The following FBXL17 variants were observed in gnomAD, a reference collection of about 807,000 sequenced individuals.
The protein encoded by FBXL17 is F-box/LRR-repeat protein 17.
FBXL17 carries 22 observed loss-of-function variants against 66.2 expected under a neutral mutation model. That is an observed-to-expected ratio of 0.33 (90% CI 0.24 to 0.47). The LOEUF (loss-of-function observed/expected upper bound fraction) is 0.47. Ranked by LOEUF, FBXL17 falls within the 20% of genes least tolerant of loss-of-function variation. The pLI is 1.00. For synonymous variants in FBXL17, 474 were observed against 400.5 expected, an observed-to-expected ratio of 1.18 and a Z score of -2.19; for missense variants, 878 against 948.2, an observed-to-expected ratio of 0.93 and a Z score of 0.97.
chr5:108,194,091 T>C (rs1349273196), intron 5 of FBXL17, among the ~76,000 whole-genome samples: 1 of 152,096 alleles, frequency 6.6e-6, no homozygotes, highest in African/African-American at 2.4e-5. Flanking sequence ...AAAATATTTC[T>C]GCTGCAAAAA....
chr5:107,896,579 T>A (rs77733761), intron 7 of FBXL17, among the ~76,000 whole-genome samples: 2 of 152,166 alleles, frequency 1.3e-5, no homozygotes, highest in East Asian at 3.9e-4. Flanking sequence ...TCTATTTTTT[T>A]ATCATGTTTA....
chr5:108,374,894 A>C (rs1333598763), intron 1 of FBXL17, among the ~76,000 whole-genome samples: 3 of 152,160 alleles, frequency 2.0e-5, no homozygotes, highest in Non-Finnish European at 4.4e-5. Flanking sequence ...TACATTTAAA[A>C]AGAAGAAAGA....
intron 5 of FBXL17, among the ~76,000 whole-genome samples, chr5:108,191,065 C>T (rs1753451977): frequency 6.6e-6 from 1 of 152,180 alleles, no homozygotes; most frequent in Admixed American, 6.5e-5. Context: ...ACTCTTAAAC[C>T]TATAAACATT....
intron 7 of FBXL17, among the ~76,000 whole-genome samples, chr5:107,945,920 CCATTTTT>C (rs1751264282): frequency 6.6e-6 from 1 of 151,774 alleles, no homozygotes; most frequent in African/African-American, 2.4e-5. Context: ...TTTAAGACAA[CCATTTTT>C]GGAGGAAGTT....
At chr5:108,083,301 A>C (rs1561401433) in intron 6 of FBXL17, among the ~76,000 whole-genome samples, 1 of 151,992 alleles carries the variant, frequency 6.6e-6, no homozygotes, top group Non-Finnish European at 1.5e-5. Context: ...TTTATCATGC[A>C]CAGAGGAATA....
chr5:107,907,040 C>T (rs184897188), intron 7 of FBXL17, among the ~76,000 whole-genome samples: 10 of 152,202 alleles, frequency 6.6e-5, no homozygotes, highest in African/African-American at 1.9e-4. Context: ...TTAATATCTT[C>T]GTAAAATAGA....
At chr5:107,958,697 T>A (rs1751765796) in intron 7 of FBXL17, among the ~76,000 whole-genome samples, 1 of 152,152 alleles carries the variant, frequency 6.6e-6, no homozygotes, top group African/African-American at 2.4e-5. Flanking sequence ...AAACAACAGT[T>A]TCTTCTTCCA....
At chr5:108,180,888 T>C (rs770595581) in intron 6 of FBXL17, among the ~76,000 whole-genome samples, 2 of 152,146 alleles carry the variant, frequency 1.3e-5, no homozygotes, top group South Asian at 2.1e-4. Flanking sequence ...ATCCCCATTA[T>C]CAAATATATG....
chr5:108,103,495 T>C (rs115881924), intron 6 of FBXL17, among the ~76,000 whole-genome samples: 4,993 of 152,294 alleles, frequency 0.033, 273 homozygotes, highest in African/African-American at 0.11. Context: ...ATGTGAACCT[T>C]TAGTATAAAA....
chr5:108,381,212 G>C lies in FBXL17; in HGVS notation c.480C>G (p.Phe160Leu), dbSNP rs891941178. Residue 160 changes from phenylalanine (F) to leucine (L), a missense_variant, in exon 1 of 9, where the codon TTC becomes TTG. Coordinates refer to ENST00000542267, the MANE Select transcript of FBXL17 (RefSeq NM_001163315.3). ...AGCGCACCGGCCCCAAGCTGGCCAG[G>C]AAGAGACTTCGGCCCTGCTGCTCCC... ...AAWEQQGRSL[F>L]LASLGPVRFL... 1.7e-5 allele frequency: 24 copies of C among 1,448,634 alleles called. No individual in the cohort carries two copies. Among genetic ancestry groups the C allele is most frequent in the African/African-American group, 2.9e-5 (2 of 67,900 alleles). The allele number at this position is 1,448,634 out of a possible 1,614,324, so 89.7% of individuals were successfully genotyped here. A position where few individuals can be genotyped will look rare whatever the true frequency, so the allele number is the denominator to read the frequency against.
rs146037753 is a variant in FBXL17, at chr5:107,997,944, C to G, written c.1822+22981G>C. 3.2e-3 allele frequency among the ~76,000 whole-genome samples: 484 copies of G among 152,278 alleles called. 9 individuals carry two copies. The highest frequency in any genetic ancestry group is 0.029 in the Admixed American group (445 of 15,290). ...ACGTTTCAATAAATTTAGAATGAAT[C>G]CTGAAGTGGAGTTTTAACACTACAG... On this transcript the variant is annotated intron_variant, in intron 7 of 8. Coordinates refer to ENST00000542267, the MANE Select transcript of FBXL17 (RefSeq NM_001163315.3).
intron 6 of FBXL17, among the ~76,000 whole-genome samples, chr5:108,075,388 T>C (rs565324313): frequency 1.9e-3 from 296 of 152,328 alleles, no homozygotes; most frequent in Middle Eastern, 6.8e-3. Flanking sequence ...TTGCCACTGT[T>C]TTCTCTAAAA....
intron 6 of FBXL17, among the ~76,000 whole-genome samples, chr5:108,131,209 G>C (rs1331087753): frequency 6.6e-6 from 1 of 152,094 alleles, no homozygotes. Context: ...AAGGCTCCTT[G>C]AGCATCTAAT....
chr5:107,931,065 T>A (rs1750717736), intron 7 of FBXL17, among the ~76,000 whole-genome samples: 1 of 152,084 alleles, frequency 6.6e-6, no homozygotes, highest in Admixed American at 6.6e-5. Context: ...TGCTGAGCAG[T>A]CGGTTGAATT....
intron 4 of FBXL17, chr5:108,301,945 G>A (rs2150180206): frequency 2.7e-6 from 2 of 739,446 alleles, no homozygotes; most frequent in Non-Finnish European, 3.3e-6. Flanking sequence ...GTATTGATAA[G>A]CTATAACAGG....
At chr5:107,945,474 G>A (rs1751252809) in intron 7 of FBXL17, among the ~76,000 whole-genome samples, 1 of 152,076 alleles carries the variant, frequency 6.6e-6, no homozygotes, top group African/African-American at 2.4e-5. Context: ...GCCCATCAAT[G>A]TGAGAATGGA....
At chr5:108,120,425 GCT>G (rs1405550059) in intron 6 of FBXL17, among the ~76,000 whole-genome samples, 1 of 152,196 alleles carries the variant, frequency 6.6e-6, no homozygotes, top group African/African-American at 2.4e-5. Context: ...ATAAAAAAAA[GCT>G]CTGTTTACTG....
At chr5:108,015,132 G>A (rs1754333521) in intron 7 of FBXL17, among the ~76,000 whole-genome samples, 1 of 152,094 alleles carries the variant, frequency 6.6e-6, no homozygotes, top group African/African-American at 2.4e-5. Flanking sequence ...AAATGTAACA[G>A]TAGGAATATA....
chr5:107,998,947 C>T (rs915746095), intron 7 of FBXL17, among the ~76,000 whole-genome samples: 1 of 152,162 alleles, frequency 6.6e-6, no homozygotes, highest in African/African-American at 2.4e-5. Flanking sequence ...AATTCTCCAC[C>T]ATACAGTCTA....
Sources: gnomAD v4.1 joint callset for allele counts (sites outside exome capture counted in the v4.1 genomes callset) on GRCh38, gnomAD v4.1.1 for gene constraint, MANE v1.5 for transcripts, NCBI Gene and HGNC (gene_info 2026-07-23, HGNC 2026-07-21) for gene names.